SLC30A10: variants seen among roughly 807,000 people sequenced by gnomAD.
SLC30A10 encodes calcium/manganese antiporter SLC30A10.
A neutral mutation model predicts 21.7 loss-of-function variants in SLC30A10; 8 were observed. The observed-to-expected ratio is 0.37, with a 90% CI of 0.22 to 0.67. The LOEUF is 0.67. Among genes scored for constraint, SLC30A10 ranks in the 30% least tolerant of loss-of-function variants. The pLI is 0.58. For synonymous variants in SLC30A10, 272 were observed against 279.4 expected, an observed-to-expected ratio of 0.97 and a Z score of 0.26; for missense variants, 521 against 642.5, an observed-to-expected ratio of 0.81 and a Z score of 2.04.
rs2102521609 is a variant in SLC30A10, at chr1:219,912,188, A to C, written c.*3261T>G. On this transcript the variant is annotated 3_prime_UTR_variant, in exon 4 of 4. Transcript: ENST00000366926. ...CCAATGGCAAAAAAAAAAAAAAAAA[A>C]AAAAAAAAGAACTAAATATGGAGAA... is the stretch of plus-strand genomic sequence containing the variant. Among the ~76,000 whole-genome samples the C allele has an allele frequency of 7.4e-6, 1 of 135,232 alleles. No homozygotes were observed. The highest frequency in any genetic ancestry group is 7.6e-5 in the Admixed American group (1 of 13,132). 88.7% of individuals were successfully genotyped at this position (135,232 alleles called of 152,430 possible). A position where few individuals can be genotyped will look rare whatever the true frequency, so the allele number is the denominator to read the frequency against.
intron 1 of SLC30A10, among the ~76,000 whole-genome samples, chr1:219,947,616 C>T (rs961314941): frequency 6.6e-6 from 1 of 152,078 alleles, no homozygotes; most frequent in African/African-American, 2.4e-5. Flanking sequence ...CTATGGAAAA[C>T]ATTCTAAGGA....
At chr1:219,927,678 C>CAACAA (rs1264050175) in intron 1 of SLC30A10, 123 bp downstream of exon 1, 14 of 319,360 alleles carry the variant, frequency 4.4e-5, no homozygotes, top group South Asian at 1.8e-4. Context: ...ACAACAACAA[C>CAACAA]AAAAAAAAAA....
intron 1 of SLC30A10, among the ~76,000 whole-genome samples, chr1:219,954,811 C>G (rs1452882003): frequency 2.0e-5 from 3 of 151,224 alleles, no homozygotes; most frequent in Non-Finnish European, 2.9e-5. Flanking sequence ...AATGGCAGGC[C>G]CCGTCTATCC....
Position 219,941,688 on chromosome 1 carries a change from TTCTCTC to T in SLC30A10, n.81-14589_81-14584del, listed in dbSNP as rs148839566. ...TTCCTTCCTCCCTTCCTTTCTCCCTTTCTCTCTCTCTCTCTCTCTCTCCCCCTCTCC... is the reference window on the plus strand; with the variant it reads ...TTCCTTCCTCCCTTCCTTTCTCCCTTTCTCTCTCTCTCTCTCCCCCTCTCC... On this transcript the variant is annotated intron_variant and non_coding_transcript_variant, in intron 1 of 8. Coordinates refer to the SLC30A10 transcript ENST00000484239. 4.4e-3 allele frequency among the ~76,000 whole-genome samples: 595 copies of T among 134,046 alleles called. 5 individuals are homozygous for T. The highest frequency in any genetic ancestry group is 0.017 in the African/African-American group (575 of 34,106). The allele number at this position is 134,046 out of a possible 152,430, so 87.9% of individuals were successfully genotyped here. A position where few individuals can be genotyped will look rare whatever the true frequency, so the allele number is the denominator to read the frequency against.
chr1:219,918,625 C>T lies in SLC30A10; in HGVS notation c.719-131G>A. On this transcript the variant is annotated intron_variant, in intron 2 of 3. Transcript: ENST00000366926. The surrounding 1 kb of genome is among the most constrained non-coding windows in gnomAD (Gnocchi z 4.4). Reference sequence around the variant, plus strand: ...TTTTTGGTTTTTGTTTTGGTTAGAACAGTAGGATGAATCAAAATAATGGCA... The same window carrying T: ...TTTTTGGTTTTTGTTTTGGTTAGAATAGTAGGATGAATCAAAATAATGGCA... 1.7e-6 allele frequency: 2 copies of T among 1,164,854 alleles called. No homozygotes were observed. Among genetic ancestry groups the T allele is most frequent in the Non-Finnish European group, 2.3e-6 (2 of 853,136 alleles). The allele number at this position is 1,164,854 out of a possible 1,614,324, so 72.2% of individuals were successfully genotyped here. A position where few individuals can be genotyped will look rare whatever the true frequency, so the allele number is the denominator to read the frequency against.
At position 219,928,208 on chromosome 1, in the gene SLC30A10, T is replaced by A. The variant is rs1359327555; in HGVS notation, c.233A>T (p.Glu78Val). 6.4e-7 allele frequency: 1 copy of A among 1,561,472 alleles called. No homozygotes were observed. The highest frequency in any genetic ancestry group is 2.4e-5 in the East Asian group (1 of 41,768). Residue 78 changes from glutamate (E) to valine (V), a missense_variant, in exon 1 of 4, where the codon GAG becomes GTG. Glu to Val is a moderately radical substitution (Grantham distance 121, BLOSUM62 -2). Transcript: ENST00000366926. This position sits in a 1 kb window ranked among gnomAD's most constrained non-coding sequence, Gnocchi z 6.3. Reference protein sequence around the residue: ...FSATYGYARAEVVGALSNAVF... With the variant: ...FSATYGYARAVVVGALSNAVF... ...CGCGTTGCTCAGCGCGCCCACCACCTCGGCGCGGGCGTAGCCGTAGGTGGC... is the reference window on the plus strand; with the variant it reads ...CGCGTTGCTCAGCGCGCCCACCACCACGGCGCGGGCGTAGCCGTAGGTGGC...
intron 2 of SLC30A10, among the ~76,000 whole-genome samples, chr1:219,921,158 T>G (rs1171662804): frequency 6.6e-6 from 1 of 152,260 alleles, no homozygotes; most frequent in Admixed American, 6.5e-5. Context: ...TTGTCTTATA[T>G]ATAAGCAAGA....
upstream of SLC30A10, among the ~76,000 whole-genome samples, chr1:219,931,750 G>C (rs746800795): frequency 6.6e-5 from 10 of 152,276 alleles, no homozygotes; most frequent in Middle Eastern, 6.8e-3. Context: ...TAAAGTGCTG[G>C]TATTATAGGC....
chr1:219,952,467 T>G (rs1234699843), intron 1 of SLC30A10, among the ~76,000 whole-genome samples: 1 of 152,170 alleles, frequency 6.6e-6, no homozygotes, highest in Non-Finnish European at 1.5e-5. Flanking sequence ...TCCATAACTG[T>G]TTTCCTCTCT....
intron 1 of SLC30A10, among the ~76,000 whole-genome samples, chr1:219,936,624 G>A (rs1315590421): frequency 2.6e-5 from 4 of 152,140 alleles, no homozygotes; most frequent in African/African-American, 7.2e-5. Flanking sequence ...TGGGAGAGAG[G>A]TTTCATTTCT....
intron 1 of SLC30A10, among the ~76,000 whole-genome samples, chr1:219,948,281 CA>C (rs1660217518): frequency 6.6e-6 from 1 of 150,482 alleles, no homozygotes; most frequent in African/African-American, 2.4e-5. Context: ...CATATGGAAC[CA>C]AAAAAGAGCC....
At chr1:219,937,711 G>A (rs1660065077) in intron 1 of SLC30A10, among the ~76,000 whole-genome samples, 3 of 152,220 alleles carry the variant, frequency 2.0e-5, no homozygotes, top group Admixed American at 6.5e-5. Context: ...CTACTCGGGA[G>A]GCTGAGCACA....
Position 219,915,534 on chromosome 1 carries a change from GACA to G in SLC30A10, c.1370_1372del (p.Val457_Ser458delinsAla). ...GTGGTCACTCAGACAGCTATCCAAA[GACA>G]CTTCAATAGCCACTTCTCTTGCGTC... On this transcript the variant is annotated inframe_deletion, in exon 4 of 4. Coordinates refer to ENST00000366926, the MANE Select transcript of SLC30A10 (RefSeq NM_018713.3). 1.2e-6 allele frequency: 2 copies of G among 1,614,218 alleles called. No homozygotes were observed. Among genetic ancestry groups the G allele is most frequent in the African/African-American group, 1.3e-5 (1 of 75,058 alleles).
In SLC30A10 at chr1:219,915,778, T is replaced by C; in HGVS notation, c.1129A>G (p.Asn377Asp). Residue 377 changes from asparagine to aspartate, a missense_variant, in exon 4 of 4, where the codon AAT (asparagine) becomes GAT (aspartate). By Grantham distance (23) the Asn-to-Asp change is conservative. Coordinates refer to ENST00000366926, the MANE Select transcript of SLC30A10 (RefSeq NM_018713.3). ...ACATTTTCAAACTGGATGGTCACATTGTGGATTCCCGCATGGTGGAAGATT... is the reference window on the plus strand; with the variant it reads ...ACATTTTCAAACTGGATGGTCACATCGTGGATTCCCGCATGGTGGAAGATT... ...REIFHHAGIH[N>D]VTIQFENVDL... is the part of the protein sequence containing the mutation. The C allele has an allele frequency of 6.2e-7, 1 of 1,614,208 alleles. No individual in the cohort carries two copies. Among genetic ancestry groups the C allele is most frequent in the South Asian group, 1.1e-5 (1 of 91,090 alleles).
At chr1:219,947,274 A>G (rs145151021) in intron 1 of SLC30A10, among the ~76,000 whole-genome samples, 1 of 152,306 alleles carries the variant, frequency 6.6e-6, no homozygotes, top group East Asian at 1.9e-4. Context: ...CATGCCTGTG[A>G]TCCTAGGATT....
At chr1:219,937,265 G>A (rs999455352) in intron 1 of SLC30A10, among the ~76,000 whole-genome samples, 1 of 152,050 alleles carries the variant, frequency 6.6e-6, no homozygotes, top group Non-Finnish European at 1.5e-5. Flanking sequence ...AGATGCCTGT[G>A]GGATTCTTTC....
rs1404971624 is a variant in SLC30A10, at chr1:219,925,659, T to A, written c.718+1369A>T. The stretch of plus-strand genomic sequence containing the variant: ...TATATATATATATATATATTTTTTT[T>A]TTTTTTTTTTTTTTGAGACAGAATC... On this transcript the variant is annotated intron_variant, in intron 2 of 3. Transcript: ENST00000366926. 9.5e-3 allele frequency among the ~76,000 whole-genome samples: 585 copies of A among 61,816 alleles called. 2 individuals are homozygous for A. Among genetic ancestry groups the A allele is most frequent in the Middle Eastern group, 0.024 (3 of 124 alleles). The allele number at this position is 61,816 out of a possible 152,430, so 40.6% of individuals were successfully genotyped here.
Position 219,915,295 on chromosome 1 carries a change from T to G in SLC30A10, c.*154A>C. 5 of 880,218 alleles carry G rather than the reference T, an allele frequency of 5.7e-6. No homozygotes were observed. The highest frequency in any genetic ancestry group is 7.1e-6 in the Non-Finnish European group (4 of 561,402). 54.5% of individuals were successfully genotyped at this position (880,218 alleles called of 1,614,324 possible). On this transcript the variant is annotated 3_prime_UTR_variant, in exon 4 of 4. Coordinates refer to ENST00000366926, the MANE Select transcript of SLC30A10 (RefSeq NM_018713.3). ...GTTACATAAAAATTCACAGACACGT[T>G]TAACTAAAATCCCAAACAGCCAACC...
chr1:219,925,386 C>T (rs1257624018), intron 2 of SLC30A10, among the ~76,000 whole-genome samples: 1 of 151,164 alleles, frequency 6.6e-6, no homozygotes, highest in Non-Finnish European at 1.5e-5. Context: ...ATACAAAAAT[C>T]AGCCAGGCGT....
Sources: gnomAD v4.1 joint callset for allele counts (sites outside exome capture counted in the v4.1 genomes callset) on GRCh38, gnomAD v4.1.1 for gene constraint, Gnocchi (gnomAD v3.1) non-coding constraint, MANE v1.5 for transcripts, NCBI Gene and HGNC (gene_info 2026-07-23, HGNC 2026-07-21) for gene names.